Variants in TMEM132D observed in about 807,000 individuals in gnomAD.
The protein encoded by TMEM132D is transmembrane protein 132D.
Under a neutral mutation model 62.3 loss-of-function variants are expected in TMEM132D, and 21 were observed. That is an observed-to-expected ratio of 0.34 (90% CI 0.24 to 0.49). The LOEUF is 0.49. Ranked by LOEUF, TMEM132D falls within the 20% of genes least tolerant of loss-of-function variation. TMEM132D has a pLI of 0.99. For missense variants in TMEM132D, 1,346 were observed against 1,402.8 expected, an observed-to-expected ratio of 0.96 and a Z score of 0.65; for synonymous variants, 621 against 575.6, an observed-to-expected ratio of 1.08 and a Z score of -1.13.
At chr12:129,850,246 A>T (rs539288868) in intron 1 of TMEM132D, among the ~76,000 whole-genome samples, 264 of 152,270 alleles carry the variant, frequency 1.7e-3, no homozygotes, top group Non-Finnish European at 3.0e-3. Flanking sequence ...TGACTCACAG[A>T]CAGGAGGAAG....
At chr12:129,117,798 G>A (rs1259280898) in intron 5 of TMEM132D, among the ~76,000 whole-genome samples, 1 of 152,108 alleles carries the variant, frequency 6.6e-6, no homozygotes, top group Non-Finnish European at 1.5e-5. Flanking sequence ...ACAAAGCTTT[G>A]TCATATTTTA....
intron 2 of TMEM132D, among the ~76,000 whole-genome samples, chr12:129,676,787 T>A (rs532143148): frequency 6.6e-6 from 1 of 152,210 alleles, no homozygotes; most frequent in African/African-American, 2.4e-5. Context: ...CTATCTATCA[T>A]CTCTCTATGT....
chr12:129,507,266 T>A lies in TMEM132D; in HGVS notation c.1115+23793A>T, dbSNP rs546831745. 2.6e-5 allele frequency among the ~76,000 whole-genome samples: 4 copies of A among 152,342 alleles called. No individual in the cohort carries two copies. The South Asian group carries it at 6.2e-4, about 24-fold the overall frequency. On this transcript the variant is annotated intron_variant, in intron 3 of 8. Coordinates refer to ENST00000422113, the MANE Select transcript of TMEM132D (RefSeq NM_133448.3). The stretch of plus-strand genomic sequence containing the variant: ...AATACTTCTACACTGCTGGTGGGAA[T>A]GTAAATTAGTACAAACACTATGCAA...
At chr12:129,499,119 C>T (rs1364501348) in intron 3 of TMEM132D, among the ~76,000 whole-genome samples, 1 of 152,176 alleles carries the variant, frequency 6.6e-6, no homozygotes, top group Non-Finnish European at 1.5e-5. Flanking sequence ...AGGAAAATAA[C>T]ATTATTGCTC....
chr12:129,477,257 G>T (rs1874291336), intron 3 of TMEM132D, among the ~76,000 whole-genome samples: 1 of 152,078 alleles, frequency 6.6e-6, no homozygotes. Flanking sequence ...TGAGACGTTT[G>T]ATTTCTTTTG....
chr12:129,715,158 G>A (rs1170277775), intron 1 of TMEM132D, among the ~76,000 whole-genome samples: 1 of 152,180 alleles, frequency 6.6e-6, no homozygotes, highest in Non-Finnish European at 1.5e-5. Context: ...TAAGGGCAAA[G>A]TCATTTTGAG....
chr12:129,814,279 A>G (rs1872277757), intron 1 of TMEM132D, among the ~76,000 whole-genome samples: 3 of 152,190 alleles, frequency 2.0e-5, no homozygotes, highest in African/African-American at 7.2e-5. Flanking sequence ...AAAATAGTAA[A>G]GACAGTAAGT....
chr12:129,213,960 AAT>A (rs1414936979), intron 4 of TMEM132D, among the ~76,000 whole-genome samples: 1 of 152,186 alleles, frequency 6.6e-6, no homozygotes, highest in Non-Finnish European at 1.5e-5. Flanking sequence ...ATTTCTCTAG[AAT>A]ATACACCTAA....
intron 3 of TMEM132D, among the ~76,000 whole-genome samples, chr12:129,515,061 C>T (rs2220123): frequency 6.6e-6 from 1 of 152,208 alleles, no homozygotes; most frequent in African/African-American, 2.4e-5. Context: ...TTAACTCTTG[C>T]ATCTCCCCAG....
chr12:129,501,627 T>A (rs73433670), intron 3 of TMEM132D, among the ~76,000 whole-genome samples: 2,176 of 151,796 alleles, frequency 0.014, 56 homozygotes, highest in African/African-American at 0.049. Flanking sequence ...GCCTCAGCCT[T>A]CTAAATAGCT....
intron 1 of TMEM132D, among the ~76,000 whole-genome samples, chr12:129,895,185 T>G (rs1875066064): frequency 6.6e-6 from 1 of 152,188 alleles, no homozygotes; most frequent in Non-Finnish European, 1.5e-5. Flanking sequence ...ACCCCCCAGG[T>G]ACACGTCACC....
At chr12:129,101,609 G>A (rs891507822) in intron 5 of TMEM132D, among the ~76,000 whole-genome samples, 1 of 152,204 alleles carries the variant, frequency 6.6e-6, no homozygotes, top group Admixed American at 6.5e-5. Flanking sequence ...TACGTTTCCC[G>A]AGGTTGCTTA....
chr12:129,562,345 G>A (rs991940644), intron 2 of TMEM132D, among the ~76,000 whole-genome samples: 4 of 152,174 alleles, frequency 2.6e-5, no homozygotes, highest in African/African-American at 9.7e-5. Context: ...TGTTGCTGCA[G>A]ACCAAGTTAC....
chr12:129,229,219 A>ACT lies in TMEM132D; in HGVS notation c.1300-19558_1300-19557dup, dbSNP rs1403541835. Among the ~76,000 whole-genome samples the ACT allele has an allele frequency of 3.9e-5, 6 of 152,092 alleles. 1 individual carries two copies. Among genetic ancestry groups the ACT allele is most frequent in the Non-Finnish European group, 7.4e-5 (5 of 68,024 alleles). ...GTGTAACTTTTTAAAATAACAAGCT[A>ACT]CTCTTTGTATCAGAAATACTAAATC... is the stretch of plus-strand genomic sequence containing the variant. On this transcript the variant is annotated intron_variant, in intron 4 of 8. Transcript: ENST00000422113.
intron 3 of TMEM132D, among the ~76,000 whole-genome samples, chr12:129,358,178 G>T (rs1012715756): frequency 6.6e-6 from 1 of 152,096 alleles, no homozygotes; most frequent in Non-Finnish European, 1.5e-5. Context: ...AAAACAACTG[G>T]AAAGGTTGTA....
chr12:129,078,112 C>T (rs139562486), intron 8 of TMEM132D, among the ~76,000 whole-genome samples: 364 of 152,348 alleles, frequency 2.4e-3, no homozygotes, highest in African/African-American at 8.3e-3. Flanking sequence ...TGTCACCCTC[C>T]GCTCCAGCAG....
chr12:129,693,550 C>G (rs1302971183), intron 2 of TMEM132D, among the ~76,000 whole-genome samples: 1 of 152,104 alleles, frequency 6.6e-6, no homozygotes, highest in East Asian at 1.9e-4. Context: ...AGAAACCTGA[C>G]AGACCCAGCC....
intron 4 of TMEM132D, among the ~76,000 whole-genome samples, chr12:129,299,628 G>T (rs1452250121): frequency 8.0e-5 from 11 of 136,984 alleles, no homozygotes; most frequent in African/African-American, 2.2e-4. Flanking sequence ...GAACAATCAG[G>T]TTTTTTTTTT....
In TMEM132D at chr12:129,292,829, C is replaced by T. The variant is rs538304874; in HGVS notation, c.1299+44805G>A. Among the ~76,000 whole-genome samples the T allele has an allele frequency of 1.1e-4, 17 of 152,218 alleles. No individual in the cohort carries two copies. The South Asian group carries it at 2.1e-3, about 19-fold the overall frequency. On this transcript the variant is annotated intron_variant, in intron 4 of 8. Coordinates refer to ENST00000422113, the MANE Select transcript of TMEM132D (RefSeq NM_133448.3). ...GAGAGAAAGACCTTTTCTTGGCTTT[C>T]GATTTCCAAAAGTCTAGAAAAAAGG...
Sources: gnomAD v4.1 joint callset for allele counts (sites outside exome capture counted in the v4.1 genomes callset) on GRCh38, gnomAD v4.1.1 for gene constraint, MANE v1.5 for transcripts, NCBI Gene and HGNC (gene_info 2026-07-23, HGNC 2026-07-21) for gene names.